The following AKAIN1 variants were observed in gnomAD, a reference collection of about 807,000 sequenced individuals.
AKAIN1 encodes A-kinase anchor inhibitor 1.
In AKAIN1, 3 loss-of-function variants were observed where a neutral mutation model predicts 3.7. The ratio of observed to expected loss-of-function variants is 0.82; its 90% CI spans 0.37 to 2.12. The LOEUF (loss-of-function observed/expected upper bound fraction) is 2.12. Ranked by LOEUF, AKAIN1 falls within the 30% of genes most tolerant of loss-of-function variation. AKAIN1 has a pLI of 0.06. For missense variants in AKAIN1, 82 were observed against 82.7 expected (o/e 0.99, Z 0.03); for synonymous variants, 31 against 30.8 (o/e 1.01, Z -0.02).
chr18:5,184,960 A>G (rs2071278619), intron 1 of AKAIN1, among the ~76,000 whole-genome samples: 3 of 152,068 alleles, frequency 2.0e-5, no homozygotes, highest in Non-Finnish European at 4.4e-5. Context: ...CAAGGCTGCA[A>G]ATAACCAAAG....
intron 1 of AKAIN1, among the ~76,000 whole-genome samples, chr18:5,178,726 C>T (rs1003291901): frequency 6.6e-6 from 1 of 152,116 alleles, no homozygotes; most frequent in African/African-American, 2.4e-5. Flanking sequence ...ACCACACAGT[C>T]AACTTCCTGG....
At chr18:5,150,764 A>G (rs558157193) in intron 1 of AKAIN1, among the ~76,000 whole-genome samples, 46 of 152,290 alleles carry the variant, frequency 3.0e-4, no homozygotes, top group Middle Eastern at 3.4e-3. Flanking sequence ...GTGTCTAAGG[A>G]ACTCAATTGC....
intron 1 of AKAIN1, among the ~76,000 whole-genome samples, chr18:5,176,461 A>C (rs1464146874): frequency 2.0e-5 from 3 of 150,546 alleles, no homozygotes; most frequent in Non-Finnish European, 2.9e-5. Context: ...AACAAACAAA[A>C]AAAACAAACT....
rs1250880920 is a variant in AKAIN1, at chr18:5,187,341, G to T, written c.16+9697C>A. Reference sequence around the variant, plus strand: ...AGATTACTAATATCCAGAATGAAAGGGAAATGTCTTTGTCCATTTTCTGCT... The same window carrying T: ...AGATTACTAATATCCAGAATGAAAGTGAAATGTCTTTGTCCATTTTCTGCT... On this transcript the variant is annotated intron_variant, in intron 1 of 1. Coordinates refer to ENST00000434239, the MANE Select transcript of AKAIN1 (RefSeq NM_001145194.2). 2.6e-5 allele frequency among the ~76,000 whole-genome samples: 4 copies of T among 152,086 alleles called. No individual in the cohort carries two copies. In the South Asian group the frequency reaches 8.3e-4, roughly 32 times the overall value.
chr18:5,180,824 T>C (rs972943799), intron 1 of AKAIN1, among the ~76,000 whole-genome samples: 1 of 152,050 alleles, frequency 6.6e-6, no homozygotes, highest in South Asian at 2.1e-4. Flanking sequence ...ATAAATTCCA[T>C]GGAGATAAAA....
chr18:5,185,223 A>G (rs1375254701), intron 1 of AKAIN1, among the ~76,000 whole-genome samples: 1 of 152,198 alleles, frequency 6.6e-6, no homozygotes, highest in Non-Finnish European at 1.5e-5. Flanking sequence ...TATATGTAAA[A>G]CTTAAAACTA....
chr18:5,151,502 T>C (rs2071079856), intron 1 of AKAIN1, among the ~76,000 whole-genome samples: 1 of 152,218 alleles, frequency 6.6e-6, no homozygotes, highest in African/African-American at 2.4e-5. Flanking sequence ...CAACTGAGCA[T>C]GCTATTCCCC....
At chr18:5,169,702 G>C (rs2071186925) in intron 1 of AKAIN1, among the ~76,000 whole-genome samples, 1 of 152,064 alleles carries the variant, frequency 6.6e-6, no homozygotes, top group Non-Finnish European at 1.5e-5. Flanking sequence ...AAATACTACT[G>C]TTTTCCAGTT....
intron 1 of AKAIN1, among the ~76,000 whole-genome samples, chr18:5,169,182 G>A (rs1277895666): frequency 6.6e-6 from 1 of 152,156 alleles, no homozygotes; most frequent in Admixed American, 6.6e-5. Flanking sequence ...TCTTTATTGG[G>A]AAACCTCGGT....
At chr18:5,182,449 T>C (rs951236382) in intron 1 of AKAIN1, among the ~76,000 whole-genome samples, 4 of 152,132 alleles carry the variant, frequency 2.6e-5, no homozygotes, top group African/African-American at 9.7e-5. Context: ...ATGATATTCA[T>C]TTTTCAAATA....
chr18:5,169,694 ATAC>A (rs2071186825), intron 1 of AKAIN1, among the ~76,000 whole-genome samples: 1 of 152,188 alleles, frequency 6.6e-6, no homozygotes, highest in African/African-American at 2.4e-5. Flanking sequence ...ATTTTTAAAA[ATAC>A]TACTGTTTTC....
intron 1 of AKAIN1, among the ~76,000 whole-genome samples, chr18:5,155,809 G>A (rs1270401093): frequency 6.6e-6 from 1 of 152,200 alleles, no homozygotes; most frequent in Admixed American, 6.5e-5. Context: ...TTGGAAGCCA[G>A]AGGCTTGCAT....
chr18:5,184,249 T>C (rs1376264037), intron 1 of AKAIN1, among the ~76,000 whole-genome samples: 1 of 152,012 alleles, frequency 6.6e-6, no homozygotes, highest in Non-Finnish European at 1.5e-5. Context: ...TTTGCAAATA[T>C]GATATTCACA....
chr18:5,174,606 T>C (rs901850393), intron 1 of AKAIN1, among the ~76,000 whole-genome samples: 5 of 152,024 alleles, frequency 3.3e-5, no homozygotes, highest in Admixed American at 3.3e-4. Flanking sequence ...CAGAGCATGG[T>C]GGCGTGCCCT....
intron 1 of AKAIN1, among the ~76,000 whole-genome samples, chr18:5,159,859 C>T (rs1038238276): frequency 1.3e-5 from 2 of 152,218 alleles, no homozygotes; most frequent in African/African-American, 4.8e-5. Flanking sequence ...GATAAATCAT[C>T]TCCAGAATTT....
Position 5,166,753 on chromosome 18 carries a change from T to A in AKAIN1, c.17-20998A>T, listed in dbSNP as rs2071169994. ...CCTTAGAAGTTGACAGAGCATAATT[T>A]AAGGTTGCAAGAATATTAATCACAG... On this transcript the variant is annotated intron_variant, in intron 1 of 1. Coordinates refer to ENST00000434239, the MANE Select transcript of AKAIN1 (RefSeq NM_001145194.2). Among the ~76,000 whole-genome samples the A allele has an allele frequency of 1.3e-5, 2 of 152,214 alleles. 1 individual carries two copies. The highest frequency in any genetic ancestry group is 6.8e-3 in the Middle Eastern group (2 of 294).
chr18:5,196,213 G>T (rs73371910), intron 1 of AKAIN1, among the ~76,000 whole-genome samples: 8,927 of 152,226 alleles, frequency 0.059, 712 homozygotes, highest in East Asian at 0.3. Context: ...ATGCGTGAGA[G>T]AGAAATACTT....
intron 1 of AKAIN1, among the ~76,000 whole-genome samples, chr18:5,169,500 C>G (rs2071185390): frequency 6.6e-6 from 1 of 151,906 alleles, no homozygotes; most frequent in East Asian, 2.0e-4. Flanking sequence ...GCCCTCTTCT[C>G]CAGTGAGTTC....
chr18:5,160,949 A>AACAT (rs751377341), intron 1 of AKAIN1, among the ~76,000 whole-genome samples: 22,502 of 152,056 alleles, frequency 0.15, 2,158 homozygotes, highest in Non-Finnish European at 0.21. Context: ...AAATACTAGT[A>AACAT]CTTTATAAGC....
Sources: gnomAD v4.1 joint callset for allele counts (sites outside exome capture counted in the v4.1 genomes callset) on GRCh38, gnomAD v4.1.1 for gene constraint, MANE v1.5 for transcripts, NCBI Gene and HGNC (gene_info 2026-07-23, HGNC 2026-07-21) for gene names.